DOCK4: variants seen among roughly 807,000 people sequenced by gnomAD.
DOCK4 encodes dedicator of cytokinesis 4.
A neutral mutation model predicts 268.1 loss-of-function variants in DOCK4; 97 were observed. The observed-to-expected ratio is 0.36, with a 90% confidence interval of 0.31 to 0.43. DOCK4 has a LOEUF of 0.43. DOCK4 is among the 20% of genes least tolerant of loss of function. The pLI is 1.00. For synonymous variants in DOCK4, 954 were observed against 887.2 expected, an observed-to-expected ratio of 1.08 and a Z score of -1.34; for missense variants, 2,145 against 2,455.7, an observed-to-expected ratio of 0.87 and a Z score of 2.67.
chr7:111,784,552 T>TGAG, intron 32 of DOCK4: 1 of 442,424 alleles, frequency 2.3e-6, no homozygotes, highest in Non-Finnish European at 4.6e-6. Context: ...TTCATTCATT[T>TGAG]TGTCACTAAT....
Position 112,111,597 on chromosome 7 carries a change from C to T in DOCK4, c.37+94505G>A, listed in dbSNP as rs189443062. 1.1e-3 allele frequency among the ~76,000 whole-genome samples: 165 copies of T among 152,176 alleles called. 2 individuals carry two copies. The highest frequency in any genetic ancestry group is 3.0e-3 in the Admixed American group (46 of 15,286). On this transcript the variant is annotated intron_variant, in intron 1 of 52. Coordinates refer to ENST00000428084, the MANE Select transcript of DOCK4 (RefSeq NM_001363540.2). ...TTTCATATTTAACCATCTTAATGTT[C>T]ATGAGCTCTAATTCAGAAAATGTAT...
chr7:112,164,547 T>A (rs1002299143), intron 1 of DOCK4, among the ~76,000 whole-genome samples: 1 of 152,202 alleles, frequency 6.6e-6, no homozygotes, highest in Non-Finnish European at 1.5e-5. Flanking sequence ...ACTGCTTCAT[T>A]TATATACTCT....
intron 8 of DOCK4, among the ~76,000 whole-genome samples, chr7:111,976,323 C>T (rs1798208399): frequency 1.1e-5 from 1 of 87,478 alleles, no homozygotes; most frequent in African/African-American, 4.5e-5. Flanking sequence ...ATATATGAGA[C>T]TCGGTATTGC....
chr7:112,200,558 T>C (rs1820818043), intron 1 of DOCK4, among the ~76,000 whole-genome samples: 1 of 151,994 alleles, frequency 6.6e-6, no homozygotes. Context: ...GATGTATATA[T>C]TCACAGCATG....
At chr7:111,864,166 C>T (rs1586207573) in intron 22 of DOCK4, among the ~76,000 whole-genome samples, 1 of 151,226 alleles carries the variant, frequency 6.6e-6, no homozygotes, top group Admixed American at 6.6e-5. Flanking sequence ...AAGATCATTA[C>T]AAGAACCCTC....
intron 28 of DOCK4, among the ~76,000 whole-genome samples, chr7:111,810,675 C>G (rs1801057703): frequency 6.6e-6 from 1 of 151,924 alleles, no homozygotes; most frequent in African/African-American, 2.4e-5. Flanking sequence ...TTTCACTCAA[C>G]AATTCCACTA....
Position 112,010,092 on chromosome 7 carries a change from C to G in DOCK4, c.38-5961G>C, listed in dbSNP as rs141541478. ...TTGGCCTCCCAAAGTGCTGGGATTA[C>G]AGGTGTGAGCCACCATGCCTGGCCA... On this transcript the variant is annotated intron_variant, in intron 1 of 52. Transcript: ENST00000428084. Among the ~76,000 whole-genome samples the G allele has an allele frequency of 5.3e-3, 803 of 152,326 alleles. 18 individuals are homozygous for G. In the East Asian group the frequency reaches 0.077, roughly 15 times the overall value.
At chr7:111,739,640 G>C in intron 47 of DOCK4, 163 bp from the exon 48 acceptor site, 1 of 631,704 alleles carries the variant, frequency 1.6e-6, no homozygotes, top group Non-Finnish European at 2.7e-6. Flanking sequence ...AAGTCTGCAT[G>C]AATTAATGAA....
intron 23 of DOCK4, among the ~76,000 whole-genome samples, chr7:111,847,630 G>T (rs1271307114): frequency 6.6e-6 from 1 of 152,192 alleles, no homozygotes; most frequent in African/African-American, 2.4e-5. Context: ...TTGTGGTAGT[G>T]AATATGTCTC....
intron 1 of DOCK4, among the ~76,000 whole-genome samples, chr7:112,017,171 A>C (rs907314105): frequency 6.6e-6 from 1 of 152,220 alleles, no homozygotes. Flanking sequence ...CTTAGGACTT[A>C]CTGATATTCA....
chr7:111,854,986 A>G (rs1202022999), intron 23 of DOCK4, among the ~76,000 whole-genome samples: 1 of 152,196 alleles, frequency 6.6e-6, no homozygotes, highest in Non-Finnish European at 1.5e-5. Context: ...GGGGCACCAA[A>G]ATTTCTTGAG....
At chr7:112,067,506 T>C (rs936022122) in intron 1 of DOCK4, among the ~76,000 whole-genome samples, 44 of 152,166 alleles carry the variant, frequency 2.9e-4, no homozygotes, top group African/African-American at 8.7e-4. Context: ...GTAAAAAATA[T>C]ACTAGAGAGA....
At position 111,728,511 on chromosome 7, in the gene DOCK4, G is replaced by GC; in HGVS notation, c.5690dup (p.Gly1898ArgfsTer63). On this transcript the variant is annotated frameshift_variant, in exon 53 of 53. Transcript: ENST00000428084. LOFTEE classifies it high-confidence loss of function. ...TCTCCTTGCGCACTGGCTCCTCCCCGCCGTAGCTCGGCACGGGCACCGGCA... is the reference window on the plus strand; with the variant it reads ...TCTCCTTGCGCACTGGCTCCTCCCCGCCCGTAGCTCGGCACGGGCACCGGCA... The GC allele has an allele frequency of 6.2e-7, 1 of 1,613,474 alleles. No individual in the cohort carries two copies.
intron 1 of DOCK4, among the ~76,000 whole-genome samples, chr7:112,007,318 G>GGAATGAATGAATGAAT (rs72228459): frequency 2.6e-5 from 4 of 151,740 alleles, no homozygotes; most frequent in African/African-American, 9.7e-5. Flanking sequence ...ACAAATACAT[G>GGAATGAATGAATGAAT]GAATGAATGA....
At chr7:111,815,898 T>A (rs1002903569) in intron 27 of DOCK4, among the ~76,000 whole-genome samples, 1 of 152,148 alleles carries the variant, frequency 6.6e-6, no homozygotes, top group African/African-American at 2.4e-5. Flanking sequence ...CTCGAACTCC[T>A]GACCTTAAGT....
Position 111,869,579 on chromosome 7 carries a change from G to A in DOCK4, c.2104C>T (p.Leu702=). ...TATCAACAGCATGTTATCACCTTCAGCACCTCCTGGATATGCTCTTGCCGC... is the reference window on the plus strand; with the variant it reads ...TATCAACAGCATGTTATCACCTTCAACACCTCCTGGATATGCTCTTGCCGC... The part of the protein sequence containing the change: ...AERQEHIQEV[L]KAQEYIFKYI... Residue 702 remains leucine (L), a synonymous_variant, in exon 21 of 53, where the codon CTG becomes TTG. Transcript: ENST00000428084. 1 of 1,613,284 alleles carries A rather than the reference G, an allele frequency of 6.2e-7. No homozygotes were observed. Among genetic ancestry groups the A allele is most frequent in the South Asian group, 1.1e-5 (1 of 91,072 alleles).
rs1346142534 is a variant in DOCK4, at chr7:111,790,383, T to C, written c.3315+74A>G. Reference sequence around the variant, plus strand: ...CAGTGTTCATTTCCCAAGTTGGAGTTGAATCCAGAAGTTCACAGATGCTTC... The same window carrying C: ...CAGTGTTCATTTCCCAAGTTGGAGTCGAATCCAGAAGTTCACAGATGCTTC... On this transcript the variant is annotated intron_variant, in intron 31 of 52. Coordinates refer to ENST00000428084, the MANE Select transcript of DOCK4 (RefSeq NM_001363540.2). The C allele has an allele frequency of 2.6e-6, 4 of 1,550,978 alleles. No homozygotes were observed. In the Admixed American group the frequency reaches 7.4e-5, roughly 29 times the overall value.
chr7:112,084,125 T>C (rs1297078775), intron 1 of DOCK4, among the ~76,000 whole-genome samples: 1 of 152,112 alleles, frequency 6.6e-6, no homozygotes, highest in Non-Finnish European at 1.5e-5. Flanking sequence ...CAGACAGGCC[T>C]GCAGCATGAA....
At chr7:111,872,789 C>T (rs1806531782) in intron 17 of DOCK4, among the ~76,000 whole-genome samples, 1 of 152,204 alleles carries the variant, frequency 6.6e-6, no homozygotes, top group Admixed American at 6.5e-5. Flanking sequence ...TCCTACCCAT[C>T]CTTTAGTCCT....
Sources: gnomAD v4.1 joint callset for allele counts (sites outside exome capture counted in the v4.1 genomes callset) on GRCh38, gnomAD v4.1.1 for gene constraint, MANE v1.5 for transcripts, NCBI Gene and HGNC (gene_info 2026-07-23, HGNC 2026-07-21) for gene names.